The following PCDH15 variants were observed in gnomAD, a reference collection of about 807,000 sequenced individuals.
PCDH15 encodes protocadherin related 15.
A neutral mutation model predicts 178.5 loss-of-function variants in PCDH15; 129 were observed. That is an observed-to-expected ratio of 0.72 (90% confidence interval 0.63 to 0.84). The LOEUF (loss-of-function observed/expected upper bound fraction) is 0.84. Among genes scored for constraint, PCDH15 ranks in the 40% least tolerant of loss-of-function variants. The pLI is 0.00. For synonymous variants in PCDH15, 800 were observed against 732.0 expected (o/e 1.09, Z -1.50); for missense variants, 2,230 against 2,099.9 (o/e 1.06, Z -1.21).
At chr10:55,258,758 CTT>C (rs11398382) in intron 1 of PCDH15, among the ~76,000 whole-genome samples, 8 of 108,156 alleles carry the variant, frequency 7.4e-5, no homozygotes, top group East Asian at 2.8e-4. Flanking sequence ...TGTTTGTCTG[CTT>C]TTTTTTTTTT....
In PCDH15 at chr10:54,236,545, T is replaced by C. The variant is rs146624610; in HGVS notation, c.985+278A>G. On this transcript the variant is annotated intron_variant, in intron 9 of 37. Transcript: ENST00000644397. ...GGAAGTTTTATATGATAAGTTGATATGTAGAAAAATACTAATATGTAGGTT... is the reference window on the plus strand; with the variant it reads ...GGAAGTTTTATATGATAAGTTGATACGTAGAAAAATACTAATATGTAGGTT... Among the ~76,000 whole-genome samples the C allele has an allele frequency of 3.1e-3, 476 of 152,266 alleles. 3 individuals carry two copies. Among genetic ancestry groups the C allele is most frequent in the African/African-American group, 0.01 (431 of 41,574 alleles).
At position 53,822,434 on chromosome 10, in the gene PCDH15, A is replaced by T; in HGVS notation, c.4368-2204T>A. ...GAGAAATGTCAGGAGGAGGAGCAAG[A>T]GGAGCAGGAGCAGGAGGAGGAGAAG... On this transcript the variant is annotated intron_variant, in intron 32 of 37. Coordinates refer to ENST00000644397, the MANE Select transcript of PCDH15 (RefSeq NM_001384140.1). 1 of 1,587,846 alleles carries T rather than the reference A, an allele frequency of 6.3e-7. No homozygotes were observed. The highest frequency in any genetic ancestry group is 1.4e-5 in the African/African-American group (1 of 73,024).
intron 1 of PCDH15, among the ~76,000 whole-genome samples, chr10:55,216,763 T>C (rs1840714702): frequency 6.6e-6 from 1 of 151,950 alleles, no homozygotes; most frequent in South Asian, 2.1e-4. Context: ...CTAAGCCTGT[T>C]GTTTTTCCTA....
intron 2 of PCDH15, among the ~76,000 whole-genome samples, chr10:55,342,309 C>G (rs1194569807): frequency 1.3e-5 from 2 of 151,790 alleles, no homozygotes; most frequent in Non-Finnish European, 2.9e-5. Context: ...TATTAAAGCA[C>G]ATACAATGTT....
chr10:55,307,211 T>G (rs576486058), intron 1 of PCDH15, among the ~76,000 whole-genome samples: 1 of 152,166 alleles, frequency 6.6e-6, no homozygotes, highest in African/African-American at 2.4e-5. Context: ...TTTTAAAAAT[T>G]TGTATTTTCG....
At chr10:54,573,319 A>G (rs1265310663) in intron 2 of PCDH15, among the ~76,000 whole-genome samples, 1 of 152,162 alleles carries the variant, frequency 6.6e-6, no homozygotes, top group African/African-American at 2.4e-5. Context: ...AATAAAAAAC[A>G]CTTAACCAAA....
chr10:55,149,107 A>G (rs945490645), intron 2 of PCDH15, among the ~76,000 whole-genome samples: 3 of 151,536 alleles, frequency 2.0e-5, no homozygotes, highest in African/African-American at 4.8e-5. Flanking sequence ...TGTAGTGGTT[A>G]AAAAATAAGC....
intron 2 of PCDH15, among the ~76,000 whole-genome samples, chr10:54,603,093 T>C (rs1377592697): frequency 6.6e-6 from 1 of 152,086 alleles, no homozygotes; most frequent in Non-Finnish European, 1.5e-5. Flanking sequence ...CTATTCTATT[T>C]CTTCTTCAAT....
chr10:54,387,185 A>G (rs1406959154), intron 3 of PCDH15, among the ~76,000 whole-genome samples: 1 of 152,210 alleles, frequency 6.6e-6, no homozygotes, highest in Non-Finnish European at 1.5e-5. Context: ...TCAAAAATTA[A>G]AAACAGTATT....
intron 2 of PCDH15, among the ~76,000 whole-genome samples, chr10:55,116,936 C>T (rs1837641887): frequency 6.6e-6 from 1 of 152,176 alleles, no homozygotes; most frequent in Non-Finnish European, 1.5e-5. Context: ...TCTAAACTAA[C>T]AGGCCTTGCT....
At chr10:54,923,116 G>T (rs750052065) in intron 2 of PCDH15, among the ~76,000 whole-genome samples, 5 of 139,118 alleles carry the variant, frequency 3.6e-5, no homozygotes, top group Non-Finnish European at 6.7e-5. Flanking sequence ...GCCCAACCAC[G>T]TGGAAGCTGC....
chr10:55,544,172 ATATT>A (rs1841828873), intron 2 of PCDH15, among the ~76,000 whole-genome samples: 1 of 141,510 alleles, frequency 7.1e-6, no homozygotes, highest in African/African-American at 2.6e-5. Context: ...ATATATATAT[ATATT>A]ATACTGACAG....
chr10:54,059,441 A>G (rs890755618), intron 18 of PCDH15, among the ~76,000 whole-genome samples: 1 of 152,248 alleles, frequency 6.6e-6, no homozygotes, highest in Non-Finnish European at 1.5e-5. Context: ...TACATAATAC[A>G]TAAAAGAATT....
chr10:53,894,797 C>T (rs186093527), intron 26 of PCDH15, among the ~76,000 whole-genome samples: 1 of 152,234 alleles, frequency 6.6e-6, no homozygotes, highest in African/African-American at 2.4e-5. Context: ...GCTTCTACAG[C>T]AATATTTATG....
chr10:55,451,515 T>A lies in PCDH15; in HGVS notation c.-156+176110A>T, dbSNP rs187415719. Among the ~76,000 whole-genome samples, 631 of 151,610 alleles carry A rather than the reference T, an allele frequency of 4.2e-3. 10 individuals are homozygous for A. Among genetic ancestry groups the A allele is most frequent in the African/African-American group, 0.015 (601 of 41,342 alleles). On this transcript the variant is annotated intron_variant, in intron 2 of 5. Coordinates refer to the PCDH15 transcript ENST00000613346. ...TCCGTCTCAAAAAAAAATAAAAAAA[T>A]AAAAAACAAAACAGTTTGAGTTCAT... is the stretch of plus-strand genomic sequence containing the variant.
chr10:55,536,195 A>G (rs1425430673), intron 2 of PCDH15, among the ~76,000 whole-genome samples: 1 of 152,134 alleles, frequency 6.6e-6, no homozygotes, highest in African/African-American at 2.4e-5. Context: ...TAAAACATCA[A>G]GATATGAAAC....
intron 3 of PCDH15, among the ~76,000 whole-genome samples, chr10:54,514,714 T>C (rs2082039983): frequency 6.6e-6 from 1 of 150,934 alleles, no homozygotes; most frequent in Non-Finnish European, 1.5e-5. Flanking sequence ...CTATTCATTG[T>C]GAAACATTAT....
At chr10:55,351,991 T>C (rs998733303) in intron 2 of PCDH15, among the ~76,000 whole-genome samples, 1 of 152,150 alleles carries the variant, frequency 6.6e-6, no homozygotes, top group Non-Finnish European at 1.5e-5. Flanking sequence ...ATACTTTGCA[T>C]GTATCAATTA....
At chr10:53,910,132 T>C (rs925070233) in intron 25 of PCDH15, among the ~76,000 whole-genome samples, 1 of 152,202 alleles carries the variant, frequency 6.6e-6, no homozygotes, top group Non-Finnish European at 1.5e-5. Context: ...TGTCCTGGTC[T>C]GACAGCTCTG....
Sources: gnomAD v4.1 joint callset for allele counts (sites outside exome capture counted in the v4.1 genomes callset) on GRCh38, gnomAD v4.1.1 for gene constraint, MANE v1.5 for transcripts, NCBI Gene and HGNC (gene_info 2026-07-23, HGNC 2026-07-21) for gene names.